TBC1D2B: variants seen among roughly 807,000 people sequenced by gnomAD.
The protein encoded by TBC1D2B is TBC1 domain family member 2B.
In TBC1D2B, 64 loss-of-function variants were observed where a neutral mutation model predicts 100.8. The observed-to-expected ratio is 0.64, with a 90% CI of 0.52 to 0.78. The LOEUF (loss-of-function observed/expected upper bound fraction) is 0.78, where lower values mean the gene tolerates loss of function less well. Ranked by LOEUF, TBC1D2B falls within the 30% of genes least tolerant of loss-of-function variation. The pLI, the probability that TBC1D2B is intolerant of heterozygous loss-of-function variation, is 0.00. For synonymous variants in TBC1D2B, 480 were observed against 479.7 expected (o/e 1.00, Z -0.01); for missense variants, 1,052 against 1,218.4 (o/e 0.86, Z 2.03).
intron 6 of TBC1D2B, among the ~76,000 whole-genome samples, chr15:78,021,833 G>T (rs1387871302): frequency 6.6e-6 from 1 of 151,284 alleles, no homozygotes; most frequent in Non-Finnish European, 1.5e-5. Flanking sequence ...AAAGAGGAGG[G>T]AATGTCCTGT....
At position 78,077,371 on chromosome 15, in the gene TBC1D2B, G is replaced by C. The variant is rs1319019376; in HGVS notation, c.282C>G (p.Pro94=). The change falls in exon 1 of 13, where the codon CCC becomes CCG. Residue 94 remains proline, a synonymous_variant. Transcript: ENST00000300584. ...IADACFSYQG[P]DEAAEPGTEP... is the part of the protein sequence containing the mutation. ...CCGTGCCCGGCTCCGCCGCCTCGTCGGGGCCCTGGTAGCTGAAGCAGGCGT... is the reference window on the plus strand; with the variant it reads ...CCGTGCCCGGCTCCGCCGCCTCGTCCGGGCCCTGGTAGCTGAAGCAGGCGT... 1 of 1,541,288 alleles carries C rather than the reference G, an allele frequency of 6.5e-7. No homozygotes were observed. Among genetic ancestry groups the C allele is most frequent in the Non-Finnish European group, 8.7e-7 (1 of 1,143,698 alleles).
chr15:78,070,864 C>A (rs1187712525), intron 1 of TBC1D2B, among the ~76,000 whole-genome samples: 1 of 152,140 alleles, frequency 6.6e-6, no homozygotes, highest in Non-Finnish European at 1.5e-5. Context: ...CTCTTGTCGC[C>A]CAGGCTGGAG....
At chr15:78,026,974 T>C (rs1295232116) in intron 4 of TBC1D2B, among the ~76,000 whole-genome samples, 1 of 150,722 alleles carries the variant, frequency 6.6e-6, no homozygotes, top group South Asian at 2.1e-4. Flanking sequence ...TGGTCCCAGC[T>C]ATTGGAGGCT....
intron 5 of TBC1D2B, 131 bp downstream of exon 5, chr15:78,025,127 TC>T: frequency 1.4e-6 from 1 of 722,754 alleles, no homozygotes; most frequent in Non-Finnish European, 2.3e-6. Flanking sequence ...ATATGAAACC[TC>T]CAGGGGAAAA....
chr15:78,016,977 C>A (rs1480776799), intron 7 of TBC1D2B: 1 of 441,142 alleles, frequency 2.3e-6, no homozygotes, highest in Non-Finnish European at 4.0e-6. Context: ...CCTCTGGATG[C>A]CAACAAATGC....
At chr15:78,024,639 G>A in intron 5 of TBC1D2B, 100 bp from the exon 6 acceptor site, 1 of 1,156,146 alleles carries the variant, frequency 8.6e-7, no homozygotes, top group South Asian at 1.7e-5. Context: ...CAGAGTTTGA[G>A]GAAATGTAGA....
chr15:78,016,527 C>T lies in TBC1D2B; in HGVS notation c.1775+19G>A, dbSNP rs2072379641. ...CAGAAATGGGGTGCACTACCCTCAACAGTCACTAGCACATTTACCTGACAA... is the reference window on the plus strand; with the variant it reads ...CAGAAATGGGGTGCACTACCCTCAATAGTCACTAGCACATTTACCTGACAA... On this transcript the variant is annotated intron_variant, in intron 8 of 12. Transcript: ENST00000300584. 1 of 1,609,570 alleles carries T rather than the reference C, an allele frequency of 6.2e-7. No individual in the cohort carries two copies. The highest frequency in any genetic ancestry group is 8.5e-7 in the Non-Finnish European group (1 of 1,178,396).
Position 78,054,039 on chromosome 15 carries a change from T to A in TBC1D2B, c.509A>T (p.Asn170Ile), listed in dbSNP as rs145669267. The change falls in exon 2 of 13, where the codon AAC (asparagine) becomes ATC (isoleucine). Residue 170 changes from asparagine to isoleucine, a missense_variant. Coordinates refer to ENST00000300584, the MANE Select transcript of TBC1D2B (RefSeq NM_144572.2). ...DFPKGLVARD[N>I]TDLIYPHPNA... ...CCCCTTTATTTCTGCCTTACCAGTG[T>A]TATCTCTGGCTACAAGACCCTTAGG... 1.2e-6 allele frequency: 2 copies of A among 1,612,516 alleles called. No individual in the cohort carries two copies. The highest frequency in any genetic ancestry group is 8.5e-7 in the Non-Finnish European group (1 of 1,179,352).
intron 1 of TBC1D2B, among the ~76,000 whole-genome samples, chr15:78,064,111 C>T (rs1321051566): frequency 6.6e-6 from 1 of 152,214 alleles, no homozygotes; most frequent in East Asian, 1.9e-4. Flanking sequence ...CACAAAAGGC[C>T]CACAAAAGCC....
In TBC1D2B at chr15:78,013,010, A is replaced by AGGCGCTG; in HGVS notation, c.2082_2083insCAGCGCC (p.Leu695GlnfsTer19). 6.2e-7 allele frequency: 1 copy of AGGCGCTG among 1,604,082 alleles called. No individual in the cohort carries two copies. The highest frequency in any genetic ancestry group is 8.5e-7 in the Non-Finnish European group (1 of 1,171,918). The stretch of plus-strand genomic sequence containing the variant: ...TGTTTCTCCAGCGCCTTCTGCAGCA[A>AGGCGCTG]GGTCTGGAAGTGGCCAGGCTCAGTG... On this transcript the variant is annotated frameshift_variant, in exon 9 of 13. Coordinates refer to ENST00000300584, the MANE Select transcript of TBC1D2B (RefSeq NM_144572.2). LOFTEE classifies it high-confidence loss of function.
chr15:78,072,390 T>C (rs973221277), intron 1 of TBC1D2B, among the ~76,000 whole-genome samples: 2 of 152,136 alleles, frequency 1.3e-5, no homozygotes, highest in African/African-American at 4.8e-5. Flanking sequence ...TTCCCATAAC[T>C]TAAAGAGTTA....
In TBC1D2B at chr15:78,054,202, G is replaced by A; in HGVS notation, c.361-15C>T. The A allele has an allele frequency of 1.2e-6, 2 of 1,606,128 alleles. No individual in the cohort carries two copies. The highest frequency in any genetic ancestry group is 1.7e-6 in the Non-Finnish European group (2 of 1,176,980). The stretch of plus-strand genomic sequence containing the variant: ...CGATTGGGAGCCTAGAAAGAGGGAG[G>A]GGAAAAACATGTTATGGCCACCAGT... On this transcript the variant is annotated splice_polypyrimidine_tract_variant and intron_variant, in intron 1 of 12. Coordinates refer to ENST00000300584, the MANE Select transcript of TBC1D2B (RefSeq NM_144572.2).
chr15:78,053,762 C>T, intron 2 of TBC1D2B: 1 of 345,090 alleles, frequency 2.9e-6, no homozygotes, highest in Non-Finnish European at 5.3e-6. Context: ...GCAGTCAGAA[C>T]TAGACTTACA....
intron 7 of TBC1D2B, 48 bp downstream of exon 7, chr15:78,017,799 C>G (rs1262104322): frequency 8.5e-6 from 11 of 1,292,730 alleles, no homozygotes; most frequent in Non-Finnish European, 1.2e-5. Context: ...TAATGGTTTC[C>G]TAACCTTACC....
rs564820541 is a variant in TBC1D2B at position 78,029,787 on chromosome 15, C to T, written c.847+220G>A. ...TCATGACTTCCAAGTCTGCTATCTC[C>T]CTCAAAAAACTGAGCCATTGGACTA... is the stretch of plus-strand genomic sequence containing the variant. On this transcript the variant is annotated intron_variant, in intron 4 of 12. Transcript: ENST00000300584. Among the ~76,000 whole-genome samples the T allele has an allele frequency of 2.6e-5, 4 of 152,258 alleles. No individual in the cohort carries two copies. In the East Asian group the frequency reaches 7.7e-4, roughly 29 times the overall value.
intron 1 of TBC1D2B, among the ~76,000 whole-genome samples, chr15:78,071,760 A>G (rs2073745930): frequency 6.6e-6 from 1 of 152,110 alleles, no homozygotes; most frequent in African/African-American, 2.4e-5. Flanking sequence ...CTGGGTGACC[A>G]TTTTCTATTC....
At chr15:77,999,134 C>T (rs1384921394) in intron 12 of TBC1D2B, 2 of 362,494 alleles carry the variant, frequency 5.5e-6, no homozygotes, top group Non-Finnish European at 1.1e-5. Flanking sequence ...CCTTCTTCCC[C>T]TCTCTGGATT....
At chr15:77,999,329 C>T (rs992208962) in intron 12 of TBC1D2B, 30 of 454,774 alleles carry the variant, frequency 6.6e-5, no homozygotes, top group Non-Finnish European at 4.4e-5. Flanking sequence ...TGCGTGGGCT[C>T]CTTTTAACAC....
chr15:78,074,478 C>A (rs112670843), intron 1 of TBC1D2B, among the ~76,000 whole-genome samples: 20 of 152,154 alleles, frequency 1.3e-4, no homozygotes, highest in African/African-American at 2.4e-4. Flanking sequence ...TATTTCCTTT[C>A]TTTAAAAAAA....
Sources: gnomAD v4.1 joint callset for allele counts (sites outside exome capture counted in the v4.1 genomes callset) on GRCh38, gnomAD v4.1.1 for gene constraint, MANE v1.5 for transcripts, NCBI Gene and HGNC (gene_info 2026-07-23, HGNC 2026-07-21) for gene names.